The following OXGR1 variants were observed in gnomAD, a reference collection of about 807,000 sequenced individuals.
OXGR1 encodes the protein oxoglutarate receptor 1, also known as 2-oxoglutarate receptor 1.
In OXGR1, 10 loss-of-function variants were observed where a neutral mutation model predicts 10.0. The observed-to-expected ratio is 1.00, with a 90% CI of 0.62 to 1.70. OXGR1 has a LOEUF of 1.70. OXGR1 is among the 40% of genes most tolerant of loss of function. OXGR1 has a pLI of 0.00. For synonymous variants in OXGR1, 191 were observed against 155.9 expected (o/e 1.22, Z -1.68); for missense variants, 398 against 407.6 (o/e 0.98, Z 0.20).
At position 96,987,793 on chromosome 13, in the gene OXGR1, G is replaced by A. The variant is rs117699649; in HGVS notation, c.-34C>T. On this transcript the variant is annotated 5_prime_UTR_variant, in exon 4 of 4. Transcript: ENST00000541038. ...CCTTTCATCTTGCAAGAAAACAAGA[G>A]AGTTCAGTTTGGCAATATGAATCAA... 0.012 allele frequency: 18,273 copies of A among 1,529,174 alleles called. 155 individuals carry two copies. The highest frequency in any genetic ancestry group is 0.028 in the South Asian group (2,130 of 76,072). 94.7% of individuals were successfully genotyped at this position (1,529,174 alleles called of 1,614,324 possible).
intron 3 of OXGR1, among the ~76,000 whole-genome samples, chr13:96,988,072 A>C (rs1389060432): frequency 6.6e-6 from 1 of 152,206 alleles, no homozygotes; most frequent in Non-Finnish European, 1.5e-5. Flanking sequence ...ATTGGGAGAA[A>C]AAAGCCACAT....
chr13:96,987,323 T>C lies in OXGR1; in HGVS notation c.437A>G (p.Lys146Arg). ...ACAGGCTACAACTGCACATCGAGTT[T>C]TGTGAATGGAAAAGCAGCTCATTGG... ...IHPMSCFSIHKTRCAVVACAV... is the reference protein window; with the variant it reads ...IHPMSCFSIHRTRCAVVACAV... The change falls in exon 4 of 4, where the codon AAA (lysine) becomes AGA (arginine). Residue 146 changes from lysine to arginine, a missense_variant. Lys to Arg is a conservative substitution (Grantham distance 26, BLOSUM62 2). Coordinates refer to ENST00000541038, the MANE Select transcript of OXGR1 (RefSeq NM_001346194.2). 1 of 1,614,198 alleles carries C rather than the reference T, an allele frequency of 6.2e-7. No homozygotes were observed. Among genetic ancestry groups the C allele is most frequent in the East Asian group, 2.2e-5 (1 of 44,884 alleles).
intron 3 of OXGR1, 133 bp downstream of exon 3, chr13:96,989,625 C>G (rs1487440368): frequency 1.3e-5 from 2 of 152,280 alleles, no homozygotes; most frequent in African/African-American, 4.8e-5. Context: ...TGCTCAAAGT[C>G]AAACCGCTAG....
In OXGR1 at chr13:96,987,165, T is replaced by C; in HGVS notation, c.595A>G (p.Asn199Asp). 1 of 1,614,138 alleles carries C rather than the reference T, an allele frequency of 6.2e-7. No individual in the cohort carries two copies. The highest frequency in any genetic ancestry group is 8.5e-7 in the Non-Finnish European group (1 of 1,179,996). Residue 199 changes from asparagine (N) to aspartate (D), a missense_variant, in exon 4 of 4, where the codon AAC becomes GAC. Physicochemically the swap from Asn to Asp is conservative, Grantham distance 23. Coordinates refer to ENST00000541038, the MANE Select transcript of OXGR1 (RefSeq NM_001346194.2). ...AAAGTAGTTGCAGTCAAAATCAGGT[T>C]GTACCACTTAATAGTATTGAGTTCA... The part of the protein sequence containing the change: ...SDELNTIKWY[N>D]LILTATTFCL...
At chr13:96,989,929 C>T (rs890706512) in intron 2 of OXGR1, 120 bp from the exon 3 acceptor site, 16 of 152,106 alleles carry the variant, frequency 1.1e-4, no homozygotes, top group African/African-American at 3.9e-4. Context: ...GGTTCCCAGA[C>T]CCCCAAGGAT....
In OXGR1 at chr13:96,991,994, T is replaced by C. The variant is rs148988082; in HGVS notation, c.-127+428A>G. 4.2e-4 allele frequency among the ~76,000 whole-genome samples: 64 copies of C among 152,238 alleles called. No homozygotes were observed. The East Asian group carries it at 0.012, about 28-fold the overall frequency. ...AAAGCCAGGCATGGAAAGACAAACA[T>C]TGCATGTTCTCACTCATTCATGGGA... On this transcript the variant is annotated intron_variant, in intron 2 of 3. Transcript: ENST00000541038.
chr13:96,987,914 C>T (rs1164788086), intron 3 of OXGR1, 81 bp from the exon 4 acceptor site: 3 of 983,860 alleles, frequency 3.0e-6, no homozygotes, highest in Non-Finnish European at 4.2e-6. Context: ...ATTCTAACAT[C>T]CTAAATTTGC....
rs1881836285 is a variant in OXGR1, at chr13:96,987,578, T to C, written c.182A>G (p.Lys61Arg). Residue 61 changes from lysine to arginine, a missense_variant, in exon 4 of 4, where the codon AAA becomes AGA. Physicochemically the swap from Lys to Arg is conservative, Grantham distance 26. Transcript: ENST00000541038. ...NAVVISTYIF[K>R]MRPWKSSTII... ...GGTGCTGCTCTTCCAAGGTCTCATT[T>C]TGAAAATGTAAGTGGATATCACTAC... The C allele has an allele frequency of 6.2e-7, 1 of 1,614,038 alleles. No individual in the cohort carries two copies. Among genetic ancestry groups the C allele is most frequent in the African/African-American group, 1.3e-5 (1 of 74,922 alleles).
At chr13:96,989,659 T>A (rs776626834) in intron 3 of OXGR1, 99 bp downstream of exon 3, 2 of 152,322 alleles carry the variant, frequency 1.3e-5, no homozygotes, top group Non-Finnish European at 1.5e-5. Flanking sequence ...AGGATACGAC[T>A]GTGGCAGTCT....
rs1881758836 is a variant in OXGR1, at chr13:96,986,752, G to C, written c.1008C>G (p.Asn336Lys). The C allele has an allele frequency of 1.9e-6, 3 of 1,603,374 alleles. No homozygotes were observed. In the East Asian group the frequency reaches 6.7e-5, roughly 36 times the overall value. Residue 336 changes from asparagine (N) to lysine (K), a missense_variant, in exon 4 of 4, where the codon AAC (asparagine) becomes AAG (lysine). Coordinates refer to ENST00000541038, the MANE Select transcript of OXGR1 (RefSeq NM_001346194.2). ...GTTAAGTAAATGAAATATTTCAAGG[G>C]TTGTTTGAGTAACTAATTTTCTTTG... is the stretch of plus-strand genomic sequence containing the variant. Reference protein sequence around the residue: ...EQAKKISYSNNP With the variant: ...EQAKKISYSNKP
rs759403403 is a variant in OXGR1 at position 96,987,090 on chromosome 13, T to C, written c.670A>G (p.Thr224Ala). 44 of 1,614,008 alleles carry C rather than the reference T, an allele frequency of 2.7e-5. No homozygotes were observed. Among genetic ancestry groups the C allele is most frequent in the Non-Finnish European group, 3.6e-5 (43 of 1,180,028 alleles). ...TCAGTTTGCAGTCCATGGGTCAGAG[T>C]GTGGATAATCGTGGTATAGCAAAGT... is the stretch of plus-strand genomic sequence containing the variant. The part of the protein sequence containing the change: ...VTLCYTTIIH[T>A]LTHGLQTDSC... The change falls in exon 4 of 4, where the codon ACT (threonine) becomes GCT (alanine). Residue 224 changes from threonine to alanine, a missense_variant. Thr to Ala is a moderately conservative substitution (Grantham distance 58). Coordinates refer to ENST00000541038, the MANE Select transcript of OXGR1 (RefSeq NM_001346194.2).
intron 3 of OXGR1, among the ~76,000 whole-genome samples, chr13:96,988,797 C>A (rs768083599): frequency 1.3e-5 from 2 of 152,056 alleles, no homozygotes; most frequent in African/African-American, 4.8e-5. Context: ...AAAATTTTGA[C>A]GGTGAATTTT....
intron 2 of OXGR1, among the ~76,000 whole-genome samples, chr13:96,990,405 A>G (rs1287906195): frequency 6.6e-5 from 10 of 152,164 alleles, no homozygotes; most frequent in East Asian, 3.9e-4. Context: ...TTTCATTCCA[A>G]TTGGGATTTG....
rs201944413 is a variant in OXGR1 at position 96,987,496 on chromosome 13, G to T, written c.264C>A (p.Phe88Leu). The change falls in exon 4 of 4, where the codon TTC (phenylalanine) becomes TTA (leucine). Residue 88 changes from phenylalanine to leucine, a missense_variant. By Grantham distance (22) the Phe-to-Leu change is conservative. Transcript: ENST00000541038. ...TDLLYLTSLP[F>L]LIHYYASGEN... ...CGCCACTGGCATAGTAGTGAATCAG[G>T]AAGGGGAGGCTGGTCAGATACAGCA... 6.8e-6 allele frequency: 11 copies of T among 1,614,068 alleles called. No homozygotes were observed. Among genetic ancestry groups the T allele is most frequent in the Non-Finnish European group, 9.3e-6 (11 of 1,180,042 alleles).
chr13:96,990,257 G>A (rs1881985237), intron 2 of OXGR1, among the ~76,000 whole-genome samples: 1 of 152,170 alleles, frequency 6.6e-6, no homozygotes, highest in Admixed American at 6.5e-5. Context: ...AATGGTCACA[G>A]CCAAGGAGTC....
In OXGR1 at chr13:96,994,371, T is replaced by A. The variant is rs1362355191; in HGVS notation, c.-351A>T. The stretch of plus-strand genomic sequence containing the variant: ...TAGTTGGTCCCGGACCGCAGACCTG[T>A]CCCGGGGAGGCTGCGCACCGCCCCG... On this transcript the variant is annotated 5_prime_UTR_variant, in exon 1 of 4. Coordinates refer to ENST00000541038, the MANE Select transcript of OXGR1 (RefSeq NM_001346194.2). The A allele has an allele frequency of 1.3e-5, 2 of 152,112 alleles. No individual in the cohort carries two copies. The highest frequency in any genetic ancestry group is 2.9e-5 in the Non-Finnish European group (2 of 68,062). The allele number at this position is 152,112 out of a possible 1,614,324, so 9.4% of individuals were successfully genotyped here.
chr13:96,986,193 A>T lies in OXGR1; in HGVS notation c.*553T>A, dbSNP rs1881727608. 1 of 152,600 alleles carries T rather than the reference A, an allele frequency of 6.6e-6. No individual in the cohort carries two copies. The highest frequency in any genetic ancestry group is 2.4e-5 in the African/African-American group (1 of 41,470). The allele number at this position is 152,600 out of a possible 1,614,324, so 9.5% of individuals were successfully genotyped here. A position where few individuals can be genotyped will look rare whatever the true frequency, so the allele number is the denominator to read the frequency against. On this transcript the variant is annotated 3_prime_UTR_variant, in exon 4 of 4. Coordinates refer to ENST00000541038, the MANE Select transcript of OXGR1 (RefSeq NM_001346194.2). ...AAGGGTATCTTACTGGCTTGAAGTA[A>T]TATACAGAACTGGCTAAACCCAGTT...
chr13:96,987,765 T>C lies in OXGR1; in HGVS notation c.-6A>G. 2 of 1,549,470 alleles carry C rather than the reference T, an allele frequency of 1.3e-6. No individual in the cohort carries two copies. Among genetic ancestry groups the C allele is most frequent in the Middle Eastern group, 1.7e-4 (1 of 5,720 alleles). ...TAGTCTAGTGGCTCATTCATGGTTG[T>C]CTCCTTTCATCTTGCAAGAAAACAA... is the stretch of plus-strand genomic sequence containing the variant. On this transcript the variant is annotated 5_prime_UTR_variant, in exon 4 of 4. Transcript: ENST00000541038.
intron 3 of OXGR1, among the ~76,000 whole-genome samples, chr13:96,988,176 A>G (rs1212395199): frequency 6.6e-6 from 1 of 152,230 alleles, no homozygotes; most frequent in Non-Finnish European, 1.5e-5. Context: ...CTATTAACCA[A>G]GTGTGATGCA....
Sources: gnomAD v4.1 joint callset for allele counts (sites outside exome capture counted in the v4.1 genomes callset) on GRCh38, gnomAD v4.1.1 for gene constraint, MANE v1.5 for transcripts, NCBI Gene and HGNC (gene_info 2026-07-23, HGNC 2026-07-21) for gene names.